Variants in CPAP observed in about 807,000 individuals in gnomAD.
CPAP encodes the protein centrosome assembly and centriole elongation protein.
the CPAP span, among the ~76,000 whole-genome samples, chr13:24,931,691 G>C: frequency 6.6e-6 from 1 of 152,090 alleles, no homozygotes; most frequent in African/African-American, 2.4e-5. Flanking sequence ...TTTCTAACTA[G>C]TTACAAAAAT....
the CPAP span, chr13:24,899,565 C>G: frequency 1.2e-6 from 2 of 1,613,612 alleles, no homozygotes; most frequent in East Asian, 4.5e-5. Context: ...TTCTGTTGTT[C>G]GAAGTCTGCA....
the CPAP span, chr13:24,905,708 A>G: frequency 2.5e-6 from 4 of 1,614,092 alleles, no homozygotes; most frequent in Admixed American, 3.3e-5. Context: ...GGGCTCAGAC[A>G]CTTTATGTTT....
the CPAP span, among the ~76,000 whole-genome samples, chr13:24,898,412 T>C: frequency 6.6e-6 from 1 of 152,164 alleles, no homozygotes. Flanking sequence ...TGAAACTTTC[T>C]ATAATAAAAA....
chr13:24,932,038 G>A, the CPAP span, among the ~76,000 whole-genome samples: 1 of 152,190 alleles, frequency 6.6e-6, no homozygotes, highest in Non-Finnish European at 1.5e-5. Flanking sequence ...TTCTGGCGAC[G>A]GTCCCTGCTA....
chr13:24,904,772 T>C, the CPAP span, among the ~76,000 whole-genome samples: 1 of 152,080 alleles, frequency 6.6e-6, no homozygotes, highest in East Asian at 1.9e-4. Flanking sequence ...TTATAATTTC[T>C]ATTTTAATTT....
the CPAP span, chr13:24,884,337 G>C: frequency 1.2e-6 from 2 of 1,614,092 alleles, no homozygotes. Context: ...CTTTGGTCTG[G>C]CATGACCTGC....
chr13:24,891,945 T>TC, the CPAP span, among the ~76,000 whole-genome samples: 1 of 152,124 alleles, frequency 6.6e-6, no homozygotes, highest in African/African-American at 2.4e-5. Context: ...CCCAGGCCAC[T>TC]CCTTACATGC....
chr13:24,925,454 T>C, the CPAP span, among the ~76,000 whole-genome samples: 4 of 152,112 alleles, frequency 2.6e-5, no homozygotes, highest in South Asian at 2.1e-4. Flanking sequence ...GCCTAGACGT[T>C]TGAACGTTAG....
At chr13:24,894,574 G>A in the CPAP span, among the ~76,000 whole-genome samples, 1 of 152,230 alleles carries the variant, frequency 6.6e-6, no homozygotes, top group Non-Finnish European at 1.5e-5. Flanking sequence ...CAGGCACAGT[G>A]AATATGGGCA....
At chr13:24,925,401 C>A in the CPAP span, among the ~76,000 whole-genome samples, 4 of 152,188 alleles carry the variant, frequency 2.6e-5, no homozygotes, top group African/African-American at 4.8e-5. Flanking sequence ...GTGGCTCACA[C>A]CTGTAATCCC....
the CPAP span, among the ~76,000 whole-genome samples, chr13:24,900,989 A>C: frequency 2.0e-5 from 3 of 152,182 alleles, no homozygotes; most frequent in Admixed American, 2.0e-4. Context: ...GATCAATTTA[A>C]ACACTCATCA....
chr13:24,905,559 G>A, the CPAP span: 1 of 1,613,948 alleles, frequency 6.2e-7, no homozygotes, highest in Non-Finnish European at 8.5e-7. Context: ...TCATTATTAG[G>A]GTAGCATGTC....
the CPAP span, chr13:24,909,678 C>G: frequency 9.9e-7 from 1 of 1,009,380 alleles, no homozygotes; most frequent in South Asian, 1.4e-5. Flanking sequence ...AGCAACACGG[C>G]AACACTCCAT....
chr13:24,897,354 A>G, the CPAP span, among the ~76,000 whole-genome samples: 1 of 152,236 alleles, frequency 6.6e-6, no homozygotes, highest in African/African-American at 2.4e-5. Flanking sequence ...AATCCATCCT[A>G]GAGATATACT....
At chr13:24,889,493 G>A in the CPAP span, 1 of 865,788 alleles carries the variant, frequency 1.2e-6, no homozygotes, top group Non-Finnish European at 1.9e-6. Context: ...TGCTAAGAAT[G>A]CTGTGGGTTT....
chr13:24,900,746 AG>A, the CPAP span, among the ~76,000 whole-genome samples: 1 of 152,182 alleles, frequency 6.6e-6, no homozygotes, highest in Non-Finnish European at 1.5e-5. Context: ...GAGACCTGCT[AG>A]GAAGTGAATT....
At chr13:24,911,588 C>T in the CPAP span, among the ~76,000 whole-genome samples, 23 of 152,174 alleles carry the variant, frequency 1.5e-4, 1 homozygote, top group Admixed American at 1.2e-3. Context: ...GGCTGGAATG[C>T]AGTGGTGCCA....
At chr13:24,883,046 G>A in the CPAP span, 1 of 801,836 alleles carries the variant, frequency 1.2e-6, no homozygotes, top group Non-Finnish European at 2.1e-6. Flanking sequence ...AGATGCCACA[G>A]GGTAAACTTT....
the CPAP span, among the ~76,000 whole-genome samples, chr13:24,895,254 T>A: frequency 6.6e-6 from 1 of 152,212 alleles, no homozygotes; most frequent in African/African-American, 2.4e-5. Flanking sequence ...TGCAGCGCAG[T>A]AGATGCCAGA....
Sources: allele counts gnomAD v4.1 joint callset (sites outside exome capture counted in the v4.1 genomes callset), GRCh38; gene constraint gnomAD v4.1.1; transcripts MANE v1.5; gene names NCBI Gene and HGNC (gene_info 2026-07-23, HGNC 2026-07-21).